The following DGAT2 variants were observed in gnomAD, a reference collection of about 807,000 sequenced individuals.
DGAT2 encodes the protein acyl-CoA retinol O-fatty-acyltransferase.
In DGAT2, 33 loss-of-function variants were observed where a neutral mutation model predicts 48.4. The ratio of observed to expected loss-of-function variants is 0.68; its 90% CI spans 0.52 to 0.91. The LOEUF (loss-of-function observed/expected upper bound fraction) is 0.91. Among genes scored for constraint, DGAT2 ranks in the 40% least tolerant of loss-of-function variants. The pLI is 0.00. For missense variants in DGAT2, 446 were observed against 493.7 expected (o/e 0.90, Z 0.92); for synonymous variants, 191 against 194.1 (o/e 0.98, Z 0.13).
intron 6 of DGAT2, 132 bp from the exon 7 acceptor site, chr11:75,798,095 G>T: frequency 1.1e-6 from 1 of 875,458 alleles, no homozygotes; most frequent in South Asian, 1.5e-5. Context: ...ATGTGAACTT[G>T]GGACACCCAG....
chr11:75,773,109 TAGTA>T (rs1318850066), intron 1 of DGAT2, among the ~76,000 whole-genome samples: 1 of 152,226 alleles, frequency 6.6e-6, no homozygotes, highest in Non-Finnish European at 1.5e-5. Context: ...AATAGGTACT[TAGTA>T]AGTATCTGTT....
rs1056491784 is a variant in DGAT2, at chr11:75,797,400, G to GC, written c.809+72dup. The GC allele has an allele frequency of 8.8e-6, 12 of 1,359,268 alleles. No individual in the cohort carries two copies. In the African/African-American group the frequency reaches 1.8e-4, roughly 20 times the overall value. The allele number at this position is 1,359,268 out of a possible 1,614,324, so 84.2% of individuals were successfully genotyped here. A position where few individuals can be genotyped will look rare whatever the true frequency, so the allele number is the denominator to read the frequency against. On this transcript the variant is annotated intron_variant, in intron 6 of 7. Transcript: ENST00000228027. ...TCAGCCCAGGGCAGCAGACTCCTTGGCCCCTGAAGACAGGACCCAGACCCC... is the reference window on the plus strand; with the variant it reads ...TCAGCCCAGGGCAGCAGACTCCTTGGCCCCCTGAAGACAGGACCCAGACCCC...
intron 1 of DGAT2, among the ~76,000 whole-genome samples, chr11:75,783,378 G>T (rs924271040): frequency 6.6e-6 from 1 of 152,158 alleles, no homozygotes; most frequent in Non-Finnish European, 1.5e-5. Flanking sequence ...AGCTCATAAG[G>T]GTAGATATCT....
At chr11:75,798,712 G>C (rs1177085758) in intron 7 of DGAT2, among the ~76,000 whole-genome samples, 4 of 152,184 alleles carry the variant, frequency 2.6e-5, no homozygotes, top group Non-Finnish European at 5.9e-5. Flanking sequence ...GAAGACTATT[G>C]CAGCAAAGAC....
At chr11:75,790,952 G>A (rs1382731981) in intron 4 of DGAT2, among the ~76,000 whole-genome samples, 3 of 152,234 alleles carry the variant, frequency 2.0e-5, no homozygotes, top group Non-Finnish European at 4.4e-5. Flanking sequence ...GCTCAGTTTG[G>A]CTTTCAGTCT....
At chr11:75,788,519 G>A (rs1175459686) in intron 2 of DGAT2, among the ~76,000 whole-genome samples, 1 of 152,160 alleles carries the variant, frequency 6.6e-6, no homozygotes, top group Non-Finnish European at 1.5e-5. Flanking sequence ...CCTGGGGAGA[G>A]GCTGGCTCAG....
chr11:75,787,569 A>G (rs1343054265), intron 2 of DGAT2, among the ~76,000 whole-genome samples: 1 of 152,256 alleles, frequency 6.6e-6, no homozygotes, highest in Non-Finnish European at 1.5e-5. Flanking sequence ...GGGGCAAAGC[A>G]GGGCCTTCTA....
rs777413541 is a variant in DGAT2, at chr11:75,797,211, A to G, written c.688A>G (p.Ser230Gly). The change falls in exon 6 of 8, where the codon AGT (serine) becomes GGT (glycine). Residue 230 changes from serine to glycine, a missense_variant. Transcript: ENST00000228027. ...TIDYLLSKNG[S>G]GNAIIIVVGG... is the part of the protein sequence containing the mutation. Reference sequence around the variant, plus strand: ...AGACTATTTGCTTTCAAAGAATGGGAGTGGCAATGCTATCATCATCGTGGT... The same window carrying G: ...AGACTATTTGCTTTCAAAGAATGGGGGTGGCAATGCTATCATCATCGTGGT... 2 of 1,572,808 alleles carry G rather than the reference A, an allele frequency of 1.3e-6. No individual in the cohort carries two copies. Among genetic ancestry groups the G allele is most frequent in the East Asian group, 4.8e-5 (2 of 41,782 alleles).
intron 4 of DGAT2, among the ~76,000 whole-genome samples, chr11:75,791,292 G>A (rs1441397836): frequency 1.3e-5 from 2 of 152,200 alleles, no homozygotes; most frequent in East Asian, 3.9e-4. Context: ...TGGGGGCAGT[G>A]GCTGGGTAAC....
chr11:75,788,669 A>T (rs1944949139), intron 2 of DGAT2, among the ~76,000 whole-genome samples: 1 of 152,212 alleles, frequency 6.6e-6, no homozygotes, highest in Admixed American at 6.5e-5. Flanking sequence ...AGAGAGCATG[A>T]CATCCAGAGC....
chr11:75,796,955 G>GT (rs1461549649), intron 5 of DGAT2: 14 of 511,480 alleles, frequency 2.7e-5, no homozygotes, highest in Non-Finnish European at 4.0e-5. Flanking sequence ...AAACAACCTT[G>GT]TATCATTAGC....
chr11:75,796,083 T>C (rs1172208204), intron 4 of DGAT2: 6 of 525,814 alleles, frequency 1.1e-5, no homozygotes, highest in Non-Finnish European at 2.1e-5. Flanking sequence ...GGCTGAAGAC[T>C]GAGAGGAACA....
At chr11:75,791,691 T>C (rs1002837393) in intron 4 of DGAT2, among the ~76,000 whole-genome samples, 4 of 152,194 alleles carry the variant, frequency 2.6e-5, no homozygotes, top group Admixed American at 6.5e-5. Context: ...GATTTCCCCA[T>C]TGGATTGATT....
At chr11:75,772,398 C>T (rs943878799) in intron 1 of DGAT2, among the ~76,000 whole-genome samples, 1 of 152,166 alleles carries the variant, frequency 6.6e-6, no homozygotes, top group South Asian at 2.1e-4. Context: ...GTATGTCACC[C>T]ACCATGCTGC....
At chr11:75,781,185 C>A (rs917554006) in intron 1 of DGAT2, among the ~76,000 whole-genome samples, 22 of 152,234 alleles carry the variant, frequency 1.4e-4, no homozygotes, top group African/African-American at 5.1e-4. Flanking sequence ...TAGCCCCTGG[C>A]AATTCCAGGC....
chr11:75,790,792 C>T (rs1270210138), intron 4 of DGAT2, 61 bp downstream of exon 4: 3 of 1,565,554 alleles, frequency 1.9e-6, no homozygotes, highest in Admixed American at 1.7e-5. Flanking sequence ...TGAACTCAGG[C>T]CTTAACCCAC....
Position 75,798,347 on chromosome 11 carries a change from C to G in DGAT2, c.930C>G (p.Ala310=). The change falls in exon 7 of 8, where the codon GCC becomes GCG. Residue 310 remains alanine (A), a synonymous_variant. Coordinates refer to ENST00000228027, the MANE Select transcript of DGAT2 (RefSeq NM_032564.5). ...AGTTCCAGAAATACATTGGTTTCGC[C>G]CCATGCATCTTCCATGGTCGAGGCC... is the stretch of plus-strand genomic sequence containing the variant. ...QKKFQKYIGF[A]PCIFHGRGLF... is the part of the protein sequence containing the mutation. The G allele has an allele frequency of 6.2e-7, 1 of 1,614,164 alleles. No homozygotes were observed. Among genetic ancestry groups the G allele is most frequent in the Non-Finnish European group, 8.5e-7 (1 of 1,180,018 alleles).
intron 3 of DGAT2, 68 bp from the exon 4 acceptor site, chr11:75,790,593 C>T (rs1404174319): frequency 1.4e-5 from 20 of 1,452,956 alleles, no homozygotes; most frequent in African/African-American, 7.0e-5. Context: ...TTCACACTGG[C>T]CCTGTCTTGT....
intron 4 of DGAT2, chr11:75,796,019 G>GTTCC: frequency 2.9e-6 from 1 of 344,414 alleles, no homozygotes; most frequent in Non-Finnish European, 5.4e-6. Flanking sequence ...GATGGGCCCA[G>GTTCC]AGGGAGGGAA....
Sources: allele counts gnomAD v4.1 joint callset (sites outside exome capture counted in the v4.1 genomes callset), GRCh38; gene constraint gnomAD v4.1.1; transcripts MANE v1.5; gene names NCBI Gene and HGNC (gene_info 2026-07-23, HGNC 2026-07-21).